Variants in MYL12B observed in about 807,000 individuals in gnomAD.
MYL12B encodes myosin light chain 12B, also known as myosin regulatory light chain 12B.
MYL12B carries 3 observed loss-of-function variants against 12.9 expected under a neutral mutation model. The observed-to-expected ratio is 0.23, with a 90% CI of 0.11 to 0.60. The LOEUF (loss-of-function observed/expected upper bound fraction) is 0.60. Ranked by LOEUF, MYL12B falls within the 20% of genes least tolerant of loss-of-function variation. The probability of loss-of-function intolerance (pLI) is 0.89; values close to 1 mark genes in which losing one functional copy is unlikely to be tolerated. For synonymous variants in MYL12B, 57 were observed against 71.9 expected (o/e 0.79, Z 1.05); for missense variants, 120 against 215.4 (o/e 0.56, Z 2.77).
chr18:3,272,246 TG>T, intron 1 of MYL12B: 1 of 78,112 alleles, frequency 1.3e-5, no homozygotes, highest in Non-Finnish European at 1.4e-5. Flanking sequence ...GTTTTACTGA[TG>T]AAAAATTGAG....
chr18:3,271,932 C>A, intron 1 of MYL12B: 1 of 311,456 alleles, frequency 3.2e-6, no homozygotes, highest in Non-Finnish European at 4.7e-6. Flanking sequence ...GGGCTGGGCA[C>A]GGTGGCTCAT....
chr18:3,276,877 A>G, intron 2 of MYL12B: 1 of 951,990 alleles, frequency 1.1e-6, no homozygotes, highest in Non-Finnish European at 1.3e-6. Flanking sequence ...TCTTTACAAA[A>G]AACAAAAAAT....
intron 1 of MYL12B, among the ~76,000 whole-genome samples, chr18:3,266,337 G>A (rs1429000865): frequency 2.0e-5 from 3 of 151,848 alleles, no homozygotes; most frequent in Admixed American, 1.3e-4. Context: ...GGCTCCCGCC[G>A]ATTGAGTGAT....
At chr18:3,263,706 C>T (rs1204493303) in intron 1 of MYL12B, among the ~76,000 whole-genome samples, 2 of 152,168 alleles carry the variant, frequency 1.3e-5, no homozygotes, top group Non-Finnish European at 2.9e-5. Flanking sequence ...TTATCATACC[C>T]TTTTTGCCAG....
chr18:3,277,731 T>A, intron 3 of MYL12B, 34 bp from the exon 4 acceptor site: 1 of 1,588,548 alleles, frequency 6.3e-7, no homozygotes, highest in Non-Finnish European at 8.5e-7. Context: ...CAGGAAGTAT[T>A]GATGACTGCT....
chr18:3,271,133 A>G (rs559887719), intron 1 of MYL12B, among the ~76,000 whole-genome samples: 1 of 152,364 alleles, frequency 6.6e-6, no homozygotes, highest in Non-Finnish European at 1.5e-5. Context: ...TAGCATGAGA[A>G]TGAACCTTAA....
chr18:3,269,897 C>G (rs373784780), intron 1 of MYL12B, among the ~76,000 whole-genome samples: 2 of 152,158 alleles, frequency 1.3e-5, no homozygotes, highest in South Asian at 4.1e-4. Flanking sequence ...TAGCAGTCTT[C>G]CTGATTAGAG....
intron 2 of MYL12B, chr18:3,277,048 A>G (rs112801851): frequency 4.2e-6 from 4 of 960,556 alleles, no homozygotes; most frequent in African/African-American, 1.8e-5. Context: ...CTTCAATATA[A>G]GCCTGGAATA....
intron 1 of MYL12B, among the ~76,000 whole-genome samples, chr18:3,263,422 C>T (rs959120238): frequency 6.6e-6 from 1 of 152,180 alleles, no homozygotes; most frequent in African/African-American, 2.4e-5. Context: ...GGTAATTTGT[C>T]GAAGGTGGTG....
intron 1 of MYL12B, among the ~76,000 whole-genome samples, chr18:3,266,772 G>A (rs1310789269): frequency 6.6e-6 from 1 of 152,164 alleles, no homozygotes; most frequent in Non-Finnish European, 1.5e-5. Context: ...GTTTTTAAAA[G>A]AGGCATTTTA....
chr18:3,262,301 C>T (rs746857529), intron 1 of MYL12B, 64 bp downstream of exon 1: 3 of 152,192 alleles, frequency 2.0e-5, no homozygotes, highest in Non-Finnish European at 4.4e-5. Flanking sequence ...CCCCGCGCCC[C>T]CTCCCGTCGC....
chr18:3,263,831 T>A (rs1008197733), intron 1 of MYL12B, among the ~76,000 whole-genome samples: 1 of 152,196 alleles, frequency 6.6e-6, no homozygotes, highest in Non-Finnish European at 1.5e-5. Flanking sequence ...GTATGCAGGA[T>A]GTTACTGGCT....
At chr18:3,275,132 C>T (rs1035226984) in intron 2 of MYL12B, among the ~76,000 whole-genome samples, 8 of 151,720 alleles carry the variant, frequency 5.3e-5, no homozygotes, top group South Asian at 2.1e-4. Context: ...GAATACTGTT[C>T]GACCATAAAA....
At chr18:3,267,677 AGT>A (rs2081644285) in intron 1 of MYL12B, among the ~76,000 whole-genome samples, 1 of 152,144 alleles carries the variant, frequency 6.6e-6, no homozygotes, top group Admixed American at 6.5e-5. Flanking sequence ...TTTTTATTAC[AGT>A]GTATTATAAT....
At chr18:3,274,428 AG>A (rs2081711637) in intron 2 of MYL12B, among the ~76,000 whole-genome samples, 1 of 142,584 alleles carries the variant, frequency 7.0e-6, no homozygotes, top group African/African-American at 2.7e-5. Context: ...AATTTAATGG[AG>A]TTTAATTGAG....
At chr18:3,265,554 C>T (rs527433409) in intron 1 of MYL12B, among the ~76,000 whole-genome samples, 108 of 152,054 alleles carry the variant, frequency 7.1e-4, no homozygotes, top group Non-Finnish European at 1.3e-3. Flanking sequence ...TAACAAGACC[C>T]TCTCAGAGTC....
At chr18:3,277,470 T>C in intron 3 of MYL12B, 56 bp downstream of exon 3, 1 of 1,549,106 alleles carries the variant, frequency 6.5e-7, no homozygotes, top group South Asian at 1.3e-5. Context: ...AGTACTTCTG[T>C]GAAATAGAAG....
intron 2 of MYL12B, chr18:3,276,896 C>T (rs1229470628): frequency 1.1e-6 from 1 of 924,676 alleles, no homozygotes; most frequent in Admixed American, 8.7e-5. Context: ...ATTAGCAGGG[C>T]ATGGTGGCAC....
intron 2 of MYL12B, 84 bp from the exon 3 acceptor site, chr18:3,277,169 T>C: frequency 7.7e-7 from 1 of 1,294,934 alleles, no homozygotes; most frequent in South Asian, 2.2e-5. Flanking sequence ...ATTTTAAAAA[T>C]ATGTTGGGGA....
Sources: allele counts gnomAD v4.1 joint callset (sites outside exome capture counted in the v4.1 genomes callset), GRCh38; gene constraint gnomAD v4.1.1; transcripts MANE v1.5; gene names NCBI Gene and HGNC (gene_info 2026-07-23, HGNC 2026-07-21).